Variants in FZD3 observed in about 807,000 individuals in gnomAD.
FZD3 encodes the protein frizzled-3.
A neutral mutation model predicts 60.7 loss-of-function variants in FZD3; 30 were observed. That is an observed-to-expected ratio of 0.49 (90% CI 0.37 to 0.67). The LOEUF (loss-of-function observed/expected upper bound fraction) is 0.67, where lower values mean the gene tolerates loss of function less well. Ranked by LOEUF, FZD3 falls within the 30% of genes least tolerant of loss-of-function variation. The pLI is 0.00. For missense variants in FZD3, 605 were observed against 838.7 expected (o/e 0.72, Z 3.44); for synonymous variants, 246 against 275.2 (o/e 0.89, Z 1.05).
At position 28,527,106 on chromosome 8, in the gene FZD3, C is replaced by T. The variant is rs1447140196; in HGVS notation, c.387-41C>T. 5.9e-6 allele frequency: 9 copies of T among 1,515,930 alleles called. No homozygotes were observed. In the African/African-American group the frequency reaches 8.4e-5, roughly 14 times the overall value. The allele number at this position is 1,515,930 out of a possible 1,614,324, so 93.9% of individuals were successfully genotyped here. On this transcript the variant is annotated intron_variant, in intron 4 of 7. Transcript: ENST00000240093. This position sits in a 1 kb window ranked among gnomAD's most constrained non-coding sequence, Gnocchi z 5.0. ...AAACTGTTAGATCGTGATAGATTTC[C>T]CCATAAGTAAAAATAGTTCTCATCT...
intron 2 of FZD3, among the ~76,000 whole-genome samples, chr8:28,500,989 T>C (rs1037688740): frequency 2.0e-5 from 3 of 152,176 alleles, no homozygotes; most frequent in African/African-American, 7.2e-5. Flanking sequence ...CTTGAACTCC[T>C]GACCTCGTGA....
intron 5 of FZD3, among the ~76,000 whole-genome samples, chr8:28,541,877 A>G (rs754790333): frequency 7.9e-5 from 12 of 152,106 alleles, no homozygotes; most frequent in Non-Finnish European, 1.6e-4. Flanking sequence ...CTCAGATCCA[A>G]TCCTTCAGCT....
rs1452733576 is a variant in FZD3 at position 28,527,648 on chromosome 8, T to C, written c.888T>C (p.Phe296=). ...CTMLFMILYF[F]TMAGSVWWVI... is the part of the protein sequence containing the mutation. ...TGCTTTTTATGATACTCTATTTTTT[T>C]ACTATGGCTGGCAGTGTATGGTGGG... The change falls in exon 5 of 8, where the codon TTT becomes TTC. Residue 296 remains phenylalanine, a synonymous_variant. Transcript: ENST00000240093. The surrounding 1 kb of genome is among the most constrained non-coding windows in gnomAD (Gnocchi z 5.0). 6.2e-7 allele frequency: 1 copy of C among 1,614,116 alleles called. No homozygotes were observed. The highest frequency in any genetic ancestry group is 1.1e-5 in the South Asian group (1 of 91,066).
intron 4 of FZD3, among the ~76,000 whole-genome samples, chr8:28,522,753 A>G (rs1418912603): frequency 1.3e-5 from 2 of 149,792 alleles, no homozygotes; most frequent in East Asian, 2.0e-4. Flanking sequence ...TTAAATTCTG[A>G]AAAAGGGAAC....
In FZD3 at chr8:28,566,754, A is replaced by G. The variant is rs1484147763; in HGVS notation, c.*3743A>G. ...GCCAAAGGTACATTTACATATTACC[A>G]TATTTGGATGACTTACATAGTCTGG... On this transcript the variant is annotated 3_prime_UTR_variant, in exon 8 of 8. Transcript: ENST00000240093. 6.6e-6 allele frequency: 1 copy of G among 152,144 alleles called. No individual in the cohort carries two copies. 9.4% of individuals were successfully genotyped at this position (152,144 alleles called of 1,614,324 possible). A position where few individuals can be genotyped will look rare whatever the true frequency, so the allele number is the denominator to read the frequency against.
chr8:28,498,320 T>C (rs928144971), intron 1 of FZD3, among the ~76,000 whole-genome samples: 15 of 150,686 alleles, frequency 1.0e-4, no homozygotes, highest in African/African-American at 3.7e-4. Flanking sequence ...CAGTTTCTTA[T>C]AATAAAAAAA....
At position 28,564,489 on chromosome 8, in the gene FZD3, C is replaced by T. The variant is rs1798968201; in HGVS notation, c.*1478C>T. 1 of 147,164 alleles carries T rather than the reference C, an allele frequency of 6.8e-6. No individual in the cohort carries two copies. Among genetic ancestry groups the T allele is most frequent in the South Asian group, 2.2e-4 (1 of 4,610 alleles). 9.1% of individuals were successfully genotyped at this position (147,164 alleles called of 1,614,324 possible). A position where few individuals can be genotyped will look rare whatever the true frequency, so the allele number is the denominator to read the frequency against. ...AAGCGCTCCAGGTGATTCTAATCTG[C>T]AGCCTGGCTTGAAACTCACTACTTT... is the stretch of plus-strand genomic sequence containing the variant. On this transcript the variant is annotated 3_prime_UTR_variant, in exon 8 of 8. Coordinates refer to ENST00000240093, the MANE Select transcript of FZD3 (RefSeq NM_017412.4).
intron 5 of FZD3, among the ~76,000 whole-genome samples, chr8:28,530,789 G>A (rs913789465): frequency 6.9e-5 from 7 of 102,110 alleles, no homozygotes; most frequent in Non-Finnish European, 1.2e-4. Flanking sequence ...CAATACATAC[G>A]TAGTTATAAA....
chr8:28,560,919 A>G (rs1805601485), intron 7 of FZD3, among the ~76,000 whole-genome samples: 1 of 152,238 alleles, frequency 6.6e-6, no homozygotes, highest in Non-Finnish European at 1.5e-5. Context: ...AAAACTGTTT[A>G]AGGTCCTAAA....
At chr8:28,540,783 A>G (rs1048512593) in intron 5 of FZD3, among the ~76,000 whole-genome samples, 2 of 152,060 alleles carry the variant, frequency 1.3e-5, no homozygotes, top group African/African-American at 4.8e-5. Flanking sequence ...TGTGTCTACT[A>G]AAAATACAAA....
chr8:28,538,363 A>G (rs1805073872), intron 5 of FZD3, among the ~76,000 whole-genome samples: 1 of 152,152 alleles, frequency 6.6e-6, no homozygotes, highest in Non-Finnish European at 1.5e-5. Flanking sequence ...TTTTTAAGTT[A>G]TATGCTGTGT....
At chr8:28,532,191 T>C (rs1804894212) in intron 5 of FZD3, among the ~76,000 whole-genome samples, 1 of 152,212 alleles carries the variant, frequency 6.6e-6, no homozygotes, top group Admixed American at 6.5e-5. Context: ...ACATCTTCTT[T>C]ACCTTGTTCT....
chr8:28,528,811 T>C (rs1236856902), intron 5 of FZD3, among the ~76,000 whole-genome samples: 2 of 152,166 alleles, frequency 1.3e-5, no homozygotes, highest in African/African-American at 4.8e-5. Flanking sequence ...ACAGCTGGGA[T>C]TTAGTCTTAG....
intron 1 of FZD3, among the ~76,000 whole-genome samples, chr8:28,495,392 G>A (rs1236239268): frequency 6.6e-6 from 1 of 152,160 alleles, no homozygotes; most frequent in Non-Finnish European, 1.5e-5. Context: ...TGACTGTTAC[G>A]GGGAAGTGTT....
rs575762093 is a variant in FZD3 at position 28,506,703 on chromosome 8, G to A, written c.189+3501G>A. On this transcript the variant is annotated intron_variant, in intron 3 of 7. Transcript: ENST00000240093. ...TTATGATTTAAGGTTTTCTTATAATGGGAGCATGGAAAGCTGGCAGTGAAA... is the reference window on the plus strand; with the variant it reads ...TTATGATTTAAGGTTTTCTTATAATAGGAGCATGGAAAGCTGGCAGTGAAA... Among the ~76,000 whole-genome samples, 3 of 152,192 alleles carry A rather than the reference G, an allele frequency of 2.0e-5. No individual in the cohort carries two copies. In the South Asian group the frequency reaches 6.2e-4, roughly 32 times the overall value.
intron 5 of FZD3, among the ~76,000 whole-genome samples, chr8:28,529,755 T>C (rs1250786813): frequency 6.6e-6 from 1 of 152,098 alleles, no homozygotes; most frequent in African/African-American, 2.4e-5. Context: ...TAGGAAAAAA[T>C]GAATAATTGA....
chr8:28,508,095 A>G (rs1585948836), intron 3 of FZD3, among the ~76,000 whole-genome samples: 1 of 151,890 alleles, frequency 6.6e-6, no homozygotes, highest in Non-Finnish European at 1.5e-5. Context: ...AGATCTCACT[A>G]TGTTGCCCAG....
At chr8:28,515,419 C>T (rs544084002) in intron 3 of FZD3, among the ~76,000 whole-genome samples, 5 of 152,270 alleles carry the variant, frequency 3.3e-5, no homozygotes, top group East Asian at 1.9e-4. Flanking sequence ...GAAGGCCAAG[C>T]GGGTGACTTG....
chr8:28,556,955 C>G (rs913297639), intron 7 of FZD3, among the ~76,000 whole-genome samples: 2 of 152,114 alleles, frequency 1.3e-5, no homozygotes, highest in African/African-American at 4.8e-5. Context: ...TGCCTTTGAG[C>G]TTTTCAGTAA....
Sources: allele counts gnomAD v4.1 joint callset (sites outside exome capture counted in the v4.1 genomes callset), GRCh38; gene constraint gnomAD v4.1.1; non-coding constraint Gnocchi (gnomAD v3.1); transcripts MANE v1.5; gene names NCBI Gene and HGNC (gene_info 2026-07-23, HGNC 2026-07-21).